Variants in LARP4 observed in about 807,000 individuals in gnomAD.
LARP4 encodes La ribonucleoprotein 4, also known as la-related protein 4.
LARP4 carries 29 observed loss-of-function variants against 92.9 expected under a neutral mutation model. That is an observed-to-expected ratio of 0.31 (90% CI 0.23 to 0.43). The LOEUF (loss-of-function observed/expected upper bound fraction) is 0.43, where lower values mean the gene tolerates loss of function less well. Among genes scored for constraint, LARP4 ranks in the 20% least tolerant of loss-of-function variants. LARP4 has a pLI of 1.00. For missense variants in LARP4, 732 were observed against 860.0 expected, an observed-to-expected ratio of 0.85 and a Z score of 1.86; for synonymous variants, 279 against 284.1, an observed-to-expected ratio of 0.98 and a Z score of 0.18.
At chr12:50,474,893 C>T (rs1408424781) in intron 15 of LARP4, among the ~76,000 whole-genome samples, 1 of 152,130 alleles carries the variant, frequency 6.6e-6, no homozygotes, top group Non-Finnish European at 1.5e-5. Flanking sequence ...AAAAGCAGAA[C>T]AAAACACAAA....
chr12:50,426,317 G>A (rs982690964), intron 1 of LARP4, among the ~76,000 whole-genome samples: 2 of 152,050 alleles, frequency 1.3e-5, no homozygotes, highest in Non-Finnish European at 1.5e-5. Flanking sequence ...ATTTTTTAGG[G>A]CGTACATATG....
chr12:50,463,324 C>G (rs1955692656), intron 12 of LARP4, among the ~76,000 whole-genome samples: 1 of 139,410 alleles, frequency 7.2e-6, no homozygotes, highest in Non-Finnish European at 1.5e-5. Context: ...CGACTCAAGT[C>G]TGTAATGTCA....
intron 1 of LARP4, among the ~76,000 whole-genome samples, chr12:50,413,913 CT>C (rs1946336665): frequency 6.6e-6 from 1 of 152,140 alleles, no homozygotes; most frequent in Non-Finnish European, 1.5e-5. Context: ...TATAGATGAA[CT>C]ACAGTTCACC....
intron 8 of LARP4, 41 bp downstream of exon 8, chr12:50,441,684 G>GT: frequency 1.4e-6 from 2 of 1,420,928 alleles, no homozygotes; most frequent in Non-Finnish European, 2.0e-6. Flanking sequence ...ACAGGTTTTG[G>GT]TTCTCTGTAT....
intron 13 of LARP4, among the ~76,000 whole-genome samples, chr12:50,469,188 A>G (rs1177220574): frequency 6.6e-6 from 1 of 152,132 alleles, no homozygotes. Context: ...TGAAGGTATT[A>G]TTCCACTGTC....
At chr12:50,420,797 G>C (rs569442609) in intron 1 of LARP4, 2 of 152,200 alleles carry the variant, frequency 1.3e-5, no homozygotes, top group African/African-American at 4.8e-5. Context: ...GGCGGTAAAT[G>C]ATTCCGAAGA....
intron 1 of LARP4, among the ~76,000 whole-genome samples, chr12:50,401,686 G>A (rs565225494): frequency 1.3e-5 from 2 of 152,224 alleles, no homozygotes; most frequent in South Asian, 2.1e-4. Flanking sequence ...GCGTGATGAA[G>A]GGTTGGTTCT....
intron 10 of LARP4, chr12:50,454,677 A>G (rs1188423963): frequency 3.3e-6 from 1 of 306,682 alleles, no homozygotes; most frequent in East Asian, 5.4e-5. Flanking sequence ...ATTTCATGAC[A>G]CCAGTCTCTG....
chr12:50,405,166 T>G (rs1944578336), intron 1 of LARP4, among the ~76,000 whole-genome samples: 1 of 152,114 alleles, frequency 6.6e-6, no homozygotes, highest in Non-Finnish European at 1.5e-5. Context: ...CCTAAAGTGC[T>G]GGGATTATAG....
chr12:50,401,433 G>A (rs1475024728), intron 1 of LARP4, among the ~76,000 whole-genome samples: 2 of 152,222 alleles, frequency 1.3e-5, no homozygotes, highest in Non-Finnish European at 2.9e-5. Flanking sequence ...CCTCTGGGAG[G>A]GAGGCGAGCA....
intron 11 of LARP4, among the ~76,000 whole-genome samples, chr12:50,461,969 A>C (rs1410114895): frequency 2.0e-5 from 3 of 152,048 alleles, no homozygotes; most frequent in Non-Finnish European, 2.9e-5. Flanking sequence ...AAATATAAAT[A>C]AACTATAGGG....
rs559923000 is a variant in LARP4 at position 50,430,848 on chromosome 12, G to A, written c.398+278G>A. On this transcript the variant is annotated intron_variant, in intron 4 of 15. Coordinates refer to ENST00000398473, the MANE Select transcript of LARP4 (RefSeq NM_052879.5). The stretch of plus-strand genomic sequence containing the variant: ...AGCTAATATTTGTATTTTTAGTAGA[G>A]ACAGGGTTTCACCATGTTGGCCAGG... 1.7e-4 allele frequency among the ~76,000 whole-genome samples: 26 copies of A among 151,992 alleles called. 1 individual carries two copies. The East Asian group carries it at 4.9e-3, about 29-fold the overall frequency.
rs1336793112 is a variant in LARP4, at chr12:50,476,755, A to C, written c.*891A>C. On this transcript the variant is annotated 3_prime_UTR_variant, in exon 16 of 16. Transcript: ENST00000398473. ...TCCATTTGTTACTCTCTGTTCTTTG[A>C]CTGCCCACCCACAGAAAAGCAAAAT... is the stretch of plus-strand genomic sequence containing the variant. 3 of 152,516 alleles carry C rather than the reference A, an allele frequency of 2.0e-5. No individual in the cohort carries two copies. Among genetic ancestry groups the C allele is most frequent in the Admixed American group, 2.0e-4 (3 of 15,254 alleles). The allele number at this position is 152,516 out of a possible 1,614,324, so 9.4% of individuals were successfully genotyped here. A position where few individuals can be genotyped will look rare whatever the true frequency, so the allele number is the denominator to read the frequency against.
In LARP4 at chr12:50,479,437, T is replaced by G. The variant is rs1443895960; in HGVS notation, c.*3573T>G. On this transcript the variant is annotated 3_prime_UTR_variant, in exon 16 of 16. Transcript: ENST00000398473. ...GGTGGCCATTAATTTAACTTTAGGC[T>G]TTTGGGCATATGCTAGTCTGAGCTT... The G allele has an allele frequency of 6.6e-6, 1 of 152,148 alleles. No homozygotes were observed. Among genetic ancestry groups the G allele is most frequent in the East Asian group, 1.9e-4 (1 of 5,198 alleles). 9.4% of individuals were successfully genotyped at this position (152,148 alleles called of 1,614,324 possible).
intron 6 of LARP4, 64 bp downstream of exon 6, chr12:50,437,902 C>A: frequency 1.9e-6 from 2 of 1,073,952 alleles, no homozygotes; most frequent in Non-Finnish European, 2.7e-6. Flanking sequence ...GTTTCTTCTG[C>A]CTTTCGTGGC....
At chr12:50,475,501 G>GTT in intron 15 of LARP4, 25 bp from the exon 16 acceptor site, 2 of 1,505,418 alleles carry the variant, frequency 1.3e-6, no homozygotes, top group Non-Finnish European at 1.8e-6. Flanking sequence ...TACCATAAAT[G>GTT]TTTTTTTTTA....
intron 7 of LARP4, chr12:50,441,229 T>G (rs1326842642): frequency 1.1e-5 from 2 of 174,312 alleles, no homozygotes; most frequent in Non-Finnish European, 2.4e-5. Context: ...GAAATAATCC[T>G]TTGAAACACA....
chr12:50,401,136 C>T, intron 1 of LARP4, 108 bp downstream of exon 1: 1 of 1,281,390 alleles, frequency 7.8e-7, no homozygotes, highest in Non-Finnish European at 1.1e-6. Context: ...GCCGCGGAAC[C>T]GGCAGATAGG....
intron 1 of LARP4, among the ~76,000 whole-genome samples, chr12:50,424,315 A>G (rs1948375741): frequency 6.6e-6 from 1 of 150,954 alleles, no homozygotes; most frequent in African/African-American, 2.4e-5. Context: ...GGCTACAGTG[A>G]GCTATGGGCA....
Sources: allele counts gnomAD v4.1 joint callset (sites outside exome capture counted in the v4.1 genomes callset), GRCh38; gene constraint gnomAD v4.1.1; transcripts MANE v1.5; gene names NCBI Gene and HGNC (gene_info 2026-07-23, HGNC 2026-07-21).